The following G6PC2 variants were observed in gnomAD, a reference collection of about 807,000 sequenced individuals.
The protein encoded by G6PC2 is glucose-6-phosphatase catalytic subunit 2.
A neutral mutation model predicts 35.4 loss-of-function variants in G6PC2; 41 were observed. The observed-to-expected ratio is 1.16, with a 90% CI of 0.90 to 1.50. The LOEUF (loss-of-function observed/expected upper bound fraction) is 1.50, where lower values mean the gene tolerates loss of function less well. Ranked by LOEUF, G6PC2 falls within the 40% of genes most tolerant of loss-of-function variation. The pLI, the probability that G6PC2 is intolerant of heterozygous loss-of-function variation, is 0.00. For synonymous variants in G6PC2, 165 were observed against 153.2 expected (o/e 1.08, Z -0.57); for missense variants, 441 against 426.5 (o/e 1.03, Z -0.30).
intron 3 of G6PC2, among the ~76,000 whole-genome samples, chr2:168,905,995 A>G (rs1174264407): frequency 7.1e-6 from 1 of 141,012 alleles, no homozygotes; most frequent in African/African-American, 2.6e-5. Context: ...ATATTTTTTT[A>G]TGTTTTTTGT....
At chr2:168,904,459 TGATA>T (rs1190737115) in intron 2 of G6PC2, 42 bp from the exon 3 acceptor site, 1 of 953,050 alleles carries the variant, frequency 1.0e-6, no homozygotes, top group South Asian at 1.3e-5. Flanking sequence ...TTTCTGATCT[TGATA>T]GTTAACCACT....
rs1026589469 is a variant in G6PC2, at chr2:168,909,233, G to C, written c.*1154G>C. 2.6e-5 allele frequency: 4 copies of C among 152,222 alleles called. No individual in the cohort carries two copies. The highest frequency in any genetic ancestry group is 7.2e-5 in the African/African-American group (3 of 41,436). 9.4% of individuals were successfully genotyped at this position (152,222 alleles called of 1,614,324 possible). On this transcript the variant is annotated 3_prime_UTR_variant, in exon 5 of 5. Transcript: ENST00000375363. ...TATACACACGGGTCCAGGGACAACA[G>C]AACAGGCCAGGCTACAGTATGGACT... is the stretch of plus-strand genomic sequence containing the variant.
intron 1 of G6PC2, 61 bp from the exon 2 acceptor site, chr2:168,902,384 C>A: frequency 1.3e-6 from 1 of 772,118 alleles, no homozygotes; most frequent in South Asian, 1.4e-5. Context: ...TTGCTAATCT[C>A]CAATTAAATA....
rs1690806071 is a variant in G6PC2 at position 168,909,592 on chromosome 2, T to C, written c.*1513T>C. 1 of 152,138 alleles carries C rather than the reference T, an allele frequency of 6.6e-6. No homozygotes were observed. Among genetic ancestry groups the C allele is most frequent in the Admixed American group, 6.5e-5 (1 of 15,274 alleles). 9.4% of individuals were successfully genotyped at this position (152,138 alleles called of 1,614,324 possible). A position where few individuals can be genotyped will look rare whatever the true frequency, so the allele number is the denominator to read the frequency against. ...GACTATTAATATTATATTAACAATT[T>C]CTCAGTAAGTGTGTTTTTTCCTCAT... On this transcript the variant is annotated 3_prime_UTR_variant, in exon 5 of 5. Coordinates refer to ENST00000375363, the MANE Select transcript of G6PC2 (RefSeq NM_021176.3).
intron 3 of G6PC2, 130 bp from the exon 4 acceptor site, chr2:168,906,534 A>C (rs1026774674): frequency 2.2e-5 from 15 of 693,716 alleles, no homozygotes; most frequent in Non-Finnish European, 3.9e-5. Context: ...GAAAAAAAAG[A>C]TTCTAGAATC....
rs1690750937 is a variant in G6PC2, at chr2:168,907,882, A to C, written c.871A>C (p.Ser291Arg). The C allele has an allele frequency of 6.2e-7, 1 of 1,613,826 alleles. No homozygotes were observed. The highest frequency in any genetic ancestry group is 1.3e-5 in the African/African-American group (1 of 74,884). The stretch of plus-strand genomic sequence containing the variant: ...CCGAGGGGGAAATAACTACACACTG[A>C]GCTTCCGGTTGCTCTGTGCCTTGAC... ...SCRGGNNYTL[S>R]FRLLCALTSL... Residue 291 changes from serine (S) to arginine (R), a missense_variant, in exon 5 of 5, where the codon AGC becomes CGC. Physicochemically the swap from Ser to Arg is moderately radical, Grantham distance 110. Transcript: ENST00000375363.
Position 168,906,695 on chromosome 2 carries a change from T to C in G6PC2, c.472T>C (p.Trp158Arg). 1.2e-6 allele frequency: 2 copies of C among 1,602,100 alleles called. No individual in the cohort carries two copies. The highest frequency in any genetic ancestry group is 1.7e-6 in the Non-Finnish European group (2 of 1,169,052). The change falls in exon 4 of 5, where the codon TGG becomes CGG. Residue 158 changes from tryptophan (W) to arginine (R), a missense_variant. Transcript: ENST00000375363. ...CTGGTCATTTCTTTGGAGTGTTTTT[T>C]GGTTGATTCAAATCAGTGTCTGCAT... ...LTWSFLWSVFWLIQISVCISR... is the reference protein window; with the variant it reads ...LTWSFLWSVFRLIQISVCISR...
chr2:168,907,266 C>T (rs1181009963), intron 4 of G6PC2, among the ~76,000 whole-genome samples: 1 of 152,170 alleles, frequency 6.6e-6, no homozygotes, highest in African/African-American at 2.4e-5. Context: ...GGCTAATTGG[C>T]TATGGCAATT....
intron 3 of G6PC2, among the ~76,000 whole-genome samples, chr2:168,905,413 A>G (rs904914173): frequency 6.6e-6 from 1 of 152,222 alleles, no homozygotes; most frequent in Non-Finnish European, 1.5e-5. Context: ...TCTATCACAT[A>G]TTCCACTTGT....
At chr2:168,902,642 T>C in intron 2 of G6PC2, 88 bp downstream of exon 2, 2 of 767,218 alleles carry the variant, frequency 2.6e-6, no homozygotes, top group Admixed American at 1.7e-5. Flanking sequence ...TGATATTATA[T>C]AGGGTAGTAA....
In G6PC2 at chr2:168,909,794, T is replaced by C. The variant is rs748079866; in HGVS notation, c.*1715T>C. On this transcript the variant is annotated 3_prime_UTR_variant, in exon 5 of 5. Transcript: ENST00000375363. ...TGACATATTAAATAATCTATGAATA[T>C]TAATGAAAACAATACAGTTGAAGTG... 2 of 152,176 alleles carry C rather than the reference T, an allele frequency of 1.3e-5. No individual in the cohort carries two copies. The highest frequency in any genetic ancestry group is 2.9e-5 in the Non-Finnish European group (2 of 68,034). 9.4% of individuals were successfully genotyped at this position (152,176 alleles called of 1,614,324 possible). A position where few individuals can be genotyped will look rare whatever the true frequency, so the allele number is the denominator to read the frequency against.
At position 168,902,541 on chromosome 2, in the gene G6PC2, T is replaced by A; in HGVS notation, c.315T>A (p.Cys105Ter). The A allele has an allele frequency of 6.8e-7, 1 of 1,463,300 alleles. No homozygotes were observed. The highest frequency in any genetic ancestry group is 9.6e-7 in the Non-Finnish European group (1 of 1,042,250). The allele number at this position is 1,463,300 out of a possible 1,614,324, so 90.6% of individuals were successfully genotyped here. The change falls in exon 2 of 5, where the codon TGT (cysteine) becomes TGA (stop). Residue 105 changes from cysteine (C) to a stop codon, truncating the protein, a stop_gained. Coordinates refer to ENST00000375363, the MANE Select transcript of G6PC2 (RefSeq NM_021176.3). LOFTEE classifies it high-confidence loss of function. ...SPCLEQFPTTCETGPGSPSGH... is the reference protein window; with the variant it reads ...SPCLEQFPTT ...GCCTTGAACAGTTCCCTACTACATGTGAAACAGGTCCAGGTAAGCTATTAC... is the reference window on the plus strand; with the variant it reads ...GCCTTGAACAGTTCCCTACTACATGAGAAACAGGTCCAGGTAAGCTATTAC...
Position 168,909,335 on chromosome 2 carries a change from T to C in G6PC2, c.*1256T>C, listed in dbSNP as rs1264506955. 6.6e-6 allele frequency: 1 copy of C among 152,198 alleles called. No individual in the cohort carries two copies. The highest frequency in any genetic ancestry group is 1.9e-4 in the East Asian group (1 of 5,194). 9.4% of individuals were successfully genotyped at this position (152,198 alleles called of 1,614,324 possible). On this transcript the variant is annotated 3_prime_UTR_variant, in exon 5 of 5. Transcript: ENST00000375363. ...TTTCAATAAATTCTACTGAACTTACTCTAATAGAACATTATTCAACCCCCA... is the reference window on the plus strand; with the variant it reads ...TTTCAATAAATTCTACTGAACTTACCCTAATAGAACATTATTCAACCCCCA...
chr2:168,905,804 A>C lies in G6PC2; in HGVS notation c.441-860A>C, dbSNP rs148164545. On this transcript the variant is annotated intron_variant, in intron 3 of 4. Coordinates refer to ENST00000375363, the MANE Select transcript of G6PC2 (RefSeq NM_021176.3). ...CCTTTACATTACCAAATTCTTGTTT[A>C]TTCTTCTTCCACATTGGTATCCCAC... 9.8e-3 allele frequency among the ~76,000 whole-genome samples: 1,489 copies of C among 152,158 alleles called. 20 individuals are homozygous for C. Among genetic ancestry groups the C allele is most frequent in the South Asian group, 0.017 (83 of 4,822 alleles).
At chr2:168,901,827 C>T (rs1574373613) in intron 1 of G6PC2, among the ~76,000 whole-genome samples, 1 of 151,574 alleles carries the variant, frequency 6.6e-6, no homozygotes, top group Non-Finnish European at 1.5e-5. Flanking sequence ...ACCTCTGCCT[C>T]CCAGGTTCAA....
intron 2 of G6PC2, among the ~76,000 whole-genome samples, chr2:168,903,344 GA>G (rs1690641551): frequency 6.6e-6 from 1 of 152,156 alleles, no homozygotes; most frequent in Admixed American, 6.5e-5. Context: ...TGAGTGTTCT[GA>G]ATATGTCTTT....
chr2:168,909,509 A>G lies in G6PC2; in HGVS notation c.*1430A>G, dbSNP rs1227242261. ...GCATCTGTTAGCTGGATTAGTCTCTATGTATACTGAACTGTGATGAAAATC... is the reference window on the plus strand; with the variant it reads ...GCATCTGTTAGCTGGATTAGTCTCTGTGTATACTGAACTGTGATGAAAATC... On this transcript the variant is annotated 3_prime_UTR_variant, in exon 5 of 5. Transcript: ENST00000375363. 1 of 152,226 alleles carries G rather than the reference A, an allele frequency of 6.6e-6. No homozygotes were observed. Among genetic ancestry groups the G allele is most frequent in the Non-Finnish European group, 1.5e-5 (1 of 68,044 alleles). 9.4% of individuals were successfully genotyped at this position (152,226 alleles called of 1,614,324 possible). A position where few individuals can be genotyped will look rare whatever the true frequency, so the allele number is the denominator to read the frequency against.
intron 2 of G6PC2, among the ~76,000 whole-genome samples, chr2:168,904,186 C>T (rs1414826565): frequency 2.0e-5 from 3 of 151,986 alleles, no homozygotes; most frequent in Admixed American, 2.0e-4. Context: ...TAAAAACAAC[C>T]AAATATTGAA....
chr2:168,903,785 C>T (rs147393803), intron 2 of G6PC2, among the ~76,000 whole-genome samples: 14 of 152,158 alleles, frequency 9.2e-5, no homozygotes, highest in Admixed American at 2.0e-4. Context: ...GGTGAAAAAT[C>T]GAGGAGGACA....
Sources: gnomAD v4.1 joint callset for allele counts (sites outside exome capture counted in the v4.1 genomes callset) on GRCh38, gnomAD v4.1.1 for gene constraint, MANE v1.5 for transcripts, NCBI Gene and HGNC (gene_info 2026-07-23, HGNC 2026-07-21) for gene names.